MGAT5B: variants seen among roughly 807,000 people sequenced by gnomAD.
The protein encoded by MGAT5B is alpha-1,6-mannosylglycoprotein 6-beta-N-acetylglucosaminyltransferase B.
A neutral mutation model predicts 95.1 loss-of-function variants in MGAT5B; 54 were observed. The observed-to-expected ratio is 0.57, with a 90% confidence interval of 0.46 to 0.71. The LOEUF (loss-of-function observed/expected upper bound fraction) is 0.71. Ranked by LOEUF, MGAT5B falls within the 30% of genes least tolerant of loss-of-function variation. The probability of loss-of-function intolerance (pLI) is 0.00; values close to 1 mark genes in which losing one functional copy is unlikely to be tolerated. For missense variants in MGAT5B, 935 were observed against 1,088.6 expected (o/e 0.86, Z 1.99); for synonymous variants, 464 against 451.0 (o/e 1.03, Z -0.36).
intron 15 of MGAT5B, among the ~76,000 whole-genome samples, chr17:76,944,869 T>TGAGGAAGA (rs1398790307): frequency 6.6e-6 from 1 of 152,140 alleles, no homozygotes; most frequent in African/African-American, 2.4e-5. Context: ...CCAACGCTGA[T>TGAGGAAGA]GAGGAAGAAA....
chr17:76,949,006 G>C lies in MGAT5B; in HGVS notation c.*168G>C. 1 of 792,796 alleles carries C rather than the reference G, an allele frequency of 1.3e-6. No homozygotes were observed. Among genetic ancestry groups the C allele is most frequent in the Non-Finnish European group, 1.9e-6 (1 of 512,938 alleles). The allele number at this position is 792,796 out of a possible 1,614,324, so 49.1% of individuals were successfully genotyped here. A position where few individuals can be genotyped will look rare whatever the true frequency, so the allele number is the denominator to read the frequency against. On this transcript the variant is annotated 3_prime_UTR_variant, in exon 18 of 18. Coordinates refer to ENST00000569840, the MANE Select transcript of MGAT5B (RefSeq NM_001199172.2). Reference sequence around the variant, plus strand: ...CAGAGGAGAGCCGTGCCCGGGAATAGGAGGAGGCAGCATGCCGAGCCCCTG... The same window carrying C: ...CAGAGGAGAGCCGTGCCCGGGAATACGAGGAGGCAGCATGCCGAGCCCCTG...
Position 76,946,370 on chromosome 17 carries a change from C to G in MGAT5B, c.1849-6C>G. 6.2e-7 allele frequency: 1 copy of G among 1,605,530 alleles called. No individual in the cohort carries two copies. Among genetic ancestry groups the G allele is most frequent in the Non-Finnish European group, 8.5e-7 (1 of 1,175,568 alleles). ...CGCCCCATGTGTCTGCCCATCCCTC[C>G]CACAGGTAGACCCCTACCTACCCTA... On this transcript the variant is annotated splice_region_variant and splice_polypyrimidine_tract_variant and intron_variant, in intron 15 of 17. Coordinates refer to ENST00000569840, the MANE Select transcript of MGAT5B (RefSeq NM_001199172.2).
chr17:76,948,088 TGA>T lies in MGAT5B; in HGVS notation c.2180+4_2180+5del. The T allele has an allele frequency of 6.3e-7, 1 of 1,590,016 alleles. No homozygotes were observed. Among genetic ancestry groups the T allele is most frequent in the Non-Finnish European group, 8.6e-7 (1 of 1,167,452 alleles). On this transcript the variant is annotated splice_donor_region_variant and intron_variant, in intron 17 of 17. Coordinates refer to ENST00000569840, the MANE Select transcript of MGAT5B (RefSeq NM_001199172.2). Reference sequence around the variant, plus strand: ...GAACAGCCAGGACGCCTTCCTCAAGTGAGTGTTCCCCCACCCTCCCCACCCAG... The same window carrying T: ...GAACAGCCAGGACGCCTTCCTCAAGTGTGTTCCCCCACCCTCCCCACCCAG...
chr17:76,938,133 G>A lies in MGAT5B; in HGVS notation c.1574G>A (p.Arg525His), dbSNP rs764595054. 5 of 1,614,064 alleles carry A rather than the reference G, an allele frequency of 3.1e-6. No homozygotes were observed. Among genetic ancestry groups the A allele is most frequent in the Non-Finnish European group, 4.2e-6 (5 of 1,180,002 alleles). Residue 525 changes from arginine (R) to histidine (H), a missense_variant, in exon 13 of 18, where the codon CGC becomes CAC. Transcript: ENST00000569840. This position sits in a 1 kb window ranked among gnomAD's most constrained non-coding sequence, Gnocchi z 4.3. Reference sequence around the variant, plus strand: ...CAGCCTGAGTTTCAGCAGCTGCTGCGCAAGGCCAAAGTGAGCTCCCATCCC... The same window carrying A: ...CAGCCTGAGTTTCAGCAGCTGCTGCACAAGGCCAAAGTGAGCTCCCATCCC... ...LPQPEFQQLLRKAKLFIGFGF... is the reference protein window; with the variant it reads ...LPQPEFQQLLHKAKLFIGFGF...
chr17:76,881,011 C>T (rs927414613), intron 2 of MGAT5B, among the ~76,000 whole-genome samples: 14 of 152,076 alleles, frequency 9.2e-5, no homozygotes, highest in Non-Finnish European at 1.3e-4. Context: ...TGACTTGGCT[C>T]GTTTTGGGGG....
chr17:76,901,016 C>T (rs1243786924), intron 3 of MGAT5B, among the ~76,000 whole-genome samples: 1 of 152,206 alleles, frequency 6.6e-6, no homozygotes. Flanking sequence ...GTTCCCCATT[C>T]CTGTCATCTG....
At chr17:76,892,165 A>T (rs1200464290) in intron 3 of MGAT5B, among the ~76,000 whole-genome samples, 1 of 152,122 alleles carries the variant, frequency 6.6e-6, no homozygotes. Flanking sequence ...CTCCCACCTC[A>T]GCCTCCAGAG....
In MGAT5B at chr17:76,912,232, G is replaced by A. The variant is rs11077874; in HGVS notation, c.1025+6045G>A. On this transcript the variant is annotated intron_variant, in intron 8 of 17. Coordinates refer to ENST00000569840, the MANE Select transcript of MGAT5B (RefSeq NM_001199172.2). This position sits in a 1 kb window ranked among gnomAD's most constrained non-coding sequence, Gnocchi z 5.0. ...GGACTTCAATATGTCAATGTTGGGGGTGGAGGACACAATGTAAACCCATAA... is the reference window on the plus strand; with the variant it reads ...GGACTTCAATATGTCAATGTTGGGGATGGAGGACACAATGTAAACCCATAA... Among the ~76,000 whole-genome samples, 58,508 of 151,990 alleles carry A rather than the reference G, an allele frequency of 0.38. 12,140 individuals are homozygous for A. The highest frequency in any genetic ancestry group is 0.89 in the East Asian group (4,576 of 5,168).
intron 8 of MGAT5B, among the ~76,000 whole-genome samples, chr17:76,913,417 G>T (rs778626248): frequency 6.6e-5 from 10 of 152,238 alleles, no homozygotes; most frequent in Non-Finnish European, 1.0e-4. Flanking sequence ...GCTCAAACCA[G>T]CTCCAGGGCG....
chr17:76,949,459 G>C lies in MGAT5B; in HGVS notation c.*621G>C, dbSNP rs72887797. 437 of 152,814 alleles carry C rather than the reference G, an allele frequency of 2.9e-3. 3 individuals are homozygous for C. Among genetic ancestry groups the C allele is most frequent in the Non-Finnish European group, 4.6e-3 (318 of 68,538 alleles). The allele number at this position is 152,814 out of a possible 1,614,324, so 9.5% of individuals were successfully genotyped here. The stretch of plus-strand genomic sequence containing the variant: ...AAGGCTAAGCCGAGGGGTCCTGTTT[G>C]TGCCTCCCCTTAGTCCCTTCCCTCC... On this transcript the variant is annotated 3_prime_UTR_variant, in exon 18 of 18. Transcript: ENST00000569840.
At chr17:76,896,440 A>G (rs1176935989) in intron 3 of MGAT5B, among the ~76,000 whole-genome samples, 8 of 152,188 alleles carry the variant, frequency 5.3e-5, no homozygotes, top group Non-Finnish European at 4.4e-5. Flanking sequence ...GAATCCCCCA[A>G]AAAGTAAAGT....
intron 10 of MGAT5B, among the ~76,000 whole-genome samples, chr17:76,927,011 G>T (rs1969334742): frequency 6.6e-6 from 1 of 152,210 alleles, no homozygotes; most frequent in African/African-American, 2.4e-5. Context: ...CAGGAGGGAG[G>T]TTGGGCACAC....
intron 12 of MGAT5B, among the ~76,000 whole-genome samples, chr17:76,935,940 A>G (rs1314111016): frequency 7.1e-6 from 1 of 140,600 alleles, no homozygotes; most frequent in South Asian, 2.1e-4. Context: ...TATATATACT[A>G]TATATTATAT....
intron 3 of MGAT5B, among the ~76,000 whole-genome samples, chr17:76,888,379 C>T (rs1967740851): frequency 6.6e-6 from 1 of 152,084 alleles, no homozygotes; most frequent in Non-Finnish European, 1.5e-5. Flanking sequence ...ATCCGTCTCC[C>T]CTGCTCCGGC....
At position 76,940,923 on chromosome 17, in the gene MGAT5B, G is replaced by GC. The variant is rs1365230835; in HGVS notation, c.1848+81dup. 1.1e-5 allele frequency: 14 copies of GC among 1,311,118 alleles called. No individual in the cohort carries two copies. The highest frequency in any genetic ancestry group is 1.5e-5 in the African/African-American group (1 of 68,906). 81.2% of individuals were successfully genotyped at this position (1,311,118 alleles called of 1,614,324 possible). ...GTCTTCACTCTGATTAGAAAACGGTGCCCCCCTCTGGGTGAGTTCAGACTT... is the reference window on the plus strand; with the variant it reads ...GTCTTCACTCTGATTAGAAAACGGTGCCCCCCCTCTGGGTGAGTTCAGACTT... On this transcript the variant is annotated intron_variant, in intron 15 of 17. Coordinates refer to ENST00000569840, the MANE Select transcript of MGAT5B (RefSeq NM_001199172.2). The surrounding 1 kb of genome is among the most constrained non-coding windows in gnomAD (Gnocchi z 4.3).
At chr17:76,927,227 G>A (rs529997911) in intron 10 of MGAT5B, among the ~76,000 whole-genome samples, 1 of 149,544 alleles carries the variant, frequency 6.7e-6, no homozygotes, top group African/African-American at 2.4e-5. Context: ...GTGGAGCTGG[G>A]CTTCAGCTAT....
intron 8 of MGAT5B, among the ~76,000 whole-genome samples, chr17:76,911,866 A>C (rs948725559): frequency 5.3e-5 from 8 of 152,214 alleles, no homozygotes; most frequent in Non-Finnish European, 1.0e-4. Context: ...GCATGAACTG[A>C]ATCCTGGCGC....
chr17:76,948,092 T>C lies in MGAT5B; in HGVS notation c.2180+6T>C. On this transcript the variant is annotated splice_donor_region_variant and intron_variant, in intron 17 of 17. Transcript: ENST00000569840. ...AGCCAGGACGCCTTCCTCAAGTGAG[T>C]GTTCCCCCACCCTCCCCACCCAGCC... 1 of 1,582,528 alleles carries C rather than the reference T, an allele frequency of 6.3e-7. No individual in the cohort carries two copies. The highest frequency in any genetic ancestry group is 1.7e-5 in the Admixed American group (1 of 57,442).
chr17:76,897,530 C>T (rs1199313742), intron 3 of MGAT5B, among the ~76,000 whole-genome samples: 1 of 152,118 alleles, frequency 6.6e-6, no homozygotes, highest in East Asian at 1.9e-4. Context: ...GTCACATGGT[C>T]TTTTCCCCTG....
Sources: gnomAD v4.1 joint callset for allele counts (sites outside exome capture counted in the v4.1 genomes callset) on GRCh38, gnomAD v4.1.1 for gene constraint, Gnocchi (gnomAD v3.1) non-coding constraint, MANE v1.5 for transcripts, NCBI Gene and HGNC (gene_info 2026-07-23, HGNC 2026-07-21) for gene names.